DTNB: variants seen among roughly 807,000 people sequenced by gnomAD.
DTNB encodes the protein DTN-B.
Under a neutral mutation model 90.7 loss-of-function variants are expected in DTNB, and 63 were observed. The ratio of observed to expected loss-of-function variants is 0.69; its 90% CI spans 0.57 to 0.86. The LOEUF (loss-of-function observed/expected upper bound fraction) is 0.86. Among genes scored for constraint, DTNB ranks in the 40% least tolerant of loss-of-function variants. DTNB has a pLI of 0.00. For missense variants in DTNB, 744 were observed against 807.1 expected (o/e 0.92, Z 0.95); for synonymous variants, 277 against 286.7 (o/e 0.97, Z 0.34).
At chr2:25,643,070 A>C (rs2078688392) in intron 2 of DTNB, among the ~76,000 whole-genome samples, 1 of 152,090 alleles carries the variant, frequency 6.6e-6, no homozygotes, top group South Asian at 2.1e-4. Flanking sequence ...GAGTTTTATA[A>C]TCAAGTTAGG....
intron 6 of DTNB, among the ~76,000 whole-genome samples, chr2:25,586,025 A>G (rs1572963083): frequency 6.6e-6 from 1 of 152,322 alleles, no homozygotes; most frequent in East Asian, 1.9e-4. Context: ...TGGATAAAGG[A>G]AAGATTAGAA....
intron 19 of DTNB, 67 bp downstream of exon 19, chr2:25,383,769 G>A: frequency 1.9e-6 from 3 of 1,613,410 alleles, no homozygotes; most frequent in Non-Finnish European, 2.5e-6. Flanking sequence ...GAAACAAAGT[G>A]GGGGGCGGCT....
At chr2:25,608,226 C>T in intron 4 of DTNB, among the ~76,000 whole-genome samples, 1 of 152,188 alleles carries the variant, frequency 6.6e-6, no homozygotes, top group South Asian at 2.1e-4. Flanking sequence ...GCTATACCTT[C>T]TTTGTTTAGA....
chr2:25,441,267 C>T (rs1371621097), intron 12 of DTNB, among the ~76,000 whole-genome samples: 1 of 152,198 alleles, frequency 6.6e-6, no homozygotes, highest in Non-Finnish European at 1.5e-5. Context: ...CTCAGAACAA[C>T]CCGAGGAATG....
At chr2:25,523,707 C>A (rs187571338) in intron 9 of DTNB, among the ~76,000 whole-genome samples, 73 of 150,672 alleles carry the variant, frequency 4.8e-4, no homozygotes, top group African/African-American at 1.6e-3. Flanking sequence ...GCACTCTGAA[C>A]ATTTCTTAAT....
intron 13 of DTNB, among the ~76,000 whole-genome samples, chr2:25,433,348 G>C (rs2054583100): frequency 6.6e-6 from 1 of 152,136 alleles, no homozygotes; most frequent in South Asian, 2.1e-4. Context: ...GTCCTGTGCT[G>C]ACTTCCCTTA....
intron 8 of DTNB, among the ~76,000 whole-genome samples, chr2:25,560,747 G>A (rs960775859): frequency 6.6e-6 from 1 of 152,168 alleles, no homozygotes; most frequent in Non-Finnish European, 1.5e-5. Context: ...TATTGAGTCT[G>A]TTTCTCTAGA....
intron 18 of DTNB, among the ~76,000 whole-genome samples, chr2:25,384,785 T>C (rs1421191662): frequency 6.6e-6 from 1 of 152,196 alleles, no homozygotes; most frequent in Non-Finnish European, 1.5e-5. Context: ...GAGTTGATCA[T>C]GAATGAGCTC....
At chr2:25,635,716 T>C (rs1362605109) in intron 3 of DTNB, among the ~76,000 whole-genome samples, 2 of 152,154 alleles carry the variant, frequency 1.3e-5, no homozygotes, top group Non-Finnish European at 2.9e-5. Context: ...AGTTGTTTTG[T>C]TGGTTTTAGT....
At chr2:25,433,456 T>C (rs1033141550) in intron 13 of DTNB, among the ~76,000 whole-genome samples, 2 of 152,002 alleles carry the variant, frequency 1.3e-5, no homozygotes, top group Non-Finnish European at 2.9e-5. Flanking sequence ...GGTCTCCACA[T>C]CCTGGCTTCT....
Position 25,387,059 on chromosome 2 carries a change from A to G in DTNB, c.1825+230T>C, listed in dbSNP as rs2039671263. On this transcript the variant is annotated intron_variant, in intron 18 of 20. Transcript: ENST00000406818. This position sits in a 1 kb window ranked among gnomAD's most constrained non-coding sequence, Gnocchi z 4.5. ...TTTCTCTACATTCAGCTTGCTCCAC[A>G]AGATGCACTCCTGAGATAGGCCTGA... The G allele has an allele frequency of 2.0e-6, 1 of 496,964 alleles. No homozygotes were observed. 30.8% of individuals were successfully genotyped at this position (496,964 alleles called of 1,614,324 possible).
rs2047576459 is a variant in DTNB at position 25,415,149 on chromosome 2, C to T, written c.1575+4366G>A. ...TTAAAGTAACAGTTATTGCCCATTT[C>T]TCTCAAGTTTCCCAAATGCCAAAGT... On this transcript the variant is annotated intron_variant, in intron 16 of 20. Transcript: ENST00000406818. 3.9e-5 allele frequency among the ~76,000 whole-genome samples: 6 copies of T among 152,020 alleles called. No homozygotes were observed. In the South Asian group the frequency reaches 1.2e-3, roughly 31 times the overall value.
chr2:25,499,253 G>A (rs927394458), intron 9 of DTNB, among the ~76,000 whole-genome samples: 11 of 152,122 alleles, frequency 7.2e-5, no homozygotes, highest in African/African-American at 2.7e-4. Flanking sequence ...TGGAGAGTGG[G>A]AAAAAGTTTG....
chr2:25,413,198 G>GT (rs2047017045), intron 16 of DTNB, among the ~76,000 whole-genome samples: 1 of 151,456 alleles, frequency 6.6e-6, no homozygotes, highest in Admixed American at 6.6e-5. Context: ...TATTTTTTTG[G>GT]TAACAAATTT....
At chr2:25,385,442 G>A (rs2039203653) in intron 18 of DTNB, among the ~76,000 whole-genome samples, 1 of 152,182 alleles carries the variant, frequency 6.6e-6, no homozygotes, top group African/African-American at 2.4e-5. Flanking sequence ...GCATGTTAGA[G>A]GGATACCGTG....
At chr2:25,614,325 G>C (rs2069561664) in intron 4 of DTNB, among the ~76,000 whole-genome samples, 1 of 152,116 alleles carries the variant, frequency 6.6e-6, no homozygotes, top group Non-Finnish European at 1.5e-5. Context: ...GCAGAACCCA[G>C]CTGGTGAAAT....
chr2:25,644,937 G>GT (rs1163662137), intron 2 of DTNB, among the ~76,000 whole-genome samples: 1 of 152,104 alleles, frequency 6.6e-6, no homozygotes, highest in Non-Finnish European at 1.5e-5. Context: ...ACTGAATACT[G>GT]TAAGGATGAC....
At chr2:25,541,442 A>ACC (rs1226289111) in intron 8 of DTNB, among the ~76,000 whole-genome samples, 1 of 152,174 alleles carries the variant, frequency 6.6e-6, no homozygotes, top group East Asian at 1.9e-4. Context: ...AGATCACACC[A>ACC]CCGCACTCCA....
intron 1 of DTNB, among the ~76,000 whole-genome samples, chr2:25,662,368 C>T (rs2083354404): frequency 6.6e-6 from 1 of 152,064 alleles, no homozygotes; most frequent in African/African-American, 2.4e-5. Flanking sequence ...AGCAGGGCTA[C>T]ATTTATCGAG....
Sources: allele counts gnomAD v4.1 joint callset (sites outside exome capture counted in the v4.1 genomes callset), GRCh38; gene constraint gnomAD v4.1.1; non-coding constraint Gnocchi (gnomAD v3.1); transcripts MANE v1.5; gene names NCBI Gene and HGNC (gene_info 2026-07-23, HGNC 2026-07-21).